ETV6: variants seen among roughly 807,000 people sequenced by gnomAD.
ETV6 encodes ETS variant transcription factor 6, also known as transcription factor ETV6.
Under a neutral mutation model 51.1 loss-of-function variants are expected in ETV6, and 16 were observed. That is an observed-to-expected ratio of 0.31 (90% CI 0.21 to 0.48). The LOEUF (loss-of-function observed/expected upper bound fraction) is 0.48, where lower values mean the gene tolerates loss of function less well. ETV6 is among the 20% of genes least tolerant of loss of function. The pLI is 0.99. For synonymous variants in ETV6, 240 were observed against 224.1 expected (o/e 1.07, Z -0.64); for missense variants, 458 against 594.8 (o/e 0.77, Z 2.39).
At chr12:11,673,267 G>C (rs1353866064) in intron 1 of ETV6, among the ~76,000 whole-genome samples, 2 of 152,186 alleles carry the variant, frequency 1.3e-5, no homozygotes, top group African/African-American at 4.8e-5. Context: ...GGCGGGGCAG[G>C]ATGTGAGATG....
chr12:11,879,119 G>A (rs373728872), intron 5 of ETV6, among the ~76,000 whole-genome samples: 12 of 151,940 alleles, frequency 7.9e-5, no homozygotes, highest in Non-Finnish European at 1.2e-4. Flanking sequence ...GCTACTTTGC[G>A]TGTTTTGTTG....
intron 1 of ETV6, among the ~76,000 whole-genome samples, chr12:11,676,584 T>C (rs78997811): frequency 0.04 from 6,076 of 152,280 alleles, 135 homozygotes; most frequent in Admixed American, 0.061. Context: ...TCCCAGCTGA[T>C]GGCTCTTTCC....
chr12:11,650,186 C>T (rs2120581955), intron 1 of ETV6, 26 bp downstream of exon 1: 4 of 1,607,600 alleles, frequency 2.5e-6, no homozygotes, highest in East Asian at 2.2e-5. Context: ...CCTCCTTCTA[C>T]GTGGTGGAAA....
chr12:11,698,252 T>C (rs888711421), intron 1 of ETV6, among the ~76,000 whole-genome samples: 1 of 152,226 alleles, frequency 6.6e-6, no homozygotes, highest in East Asian at 1.9e-4. Context: ...TCCTAACATC[T>C]GCATTAGTAT....
At chr12:11,824,420 G>A (rs1456156820) in intron 2 of ETV6, among the ~76,000 whole-genome samples, 1 of 152,226 alleles carries the variant, frequency 6.6e-6, no homozygotes, top group East Asian at 1.9e-4. Flanking sequence ...CCACTAACCA[G>A]CCACGCTGAT....
At chr12:11,791,338 A>ATCCCC (rs1945586276) in intron 2 of ETV6, among the ~76,000 whole-genome samples, 1 of 152,208 alleles carries the variant, frequency 6.6e-6, no homozygotes, top group Admixed American at 6.5e-5. Flanking sequence ...AGCTAAAATT[A>ATCCCC]ACTTCCTCCT....
Position 11,736,994 on chromosome 12 carries a change from G to A in ETV6, c.34-15456G>A, listed in dbSNP as rs534606517. ...TGAACAAGGCAGACAAGGTCCCTGTGCCTGCAGAGTTTTGATGATAACCTT... is the reference window on the plus strand; with the variant it reads ...TGAACAAGGCAGACAAGGTCCCTGTACCTGCAGAGTTTTGATGATAACCTT... On this transcript the variant is annotated intron_variant, in intron 1 of 7. Coordinates refer to ENST00000396373, the MANE Select transcript of ETV6 (RefSeq NM_001987.5). 2.6e-5 allele frequency among the ~76,000 whole-genome samples: 4 copies of A among 152,318 alleles called. No individual in the cohort carries two copies. The East Asian group carries it at 7.7e-4, about 29-fold the overall frequency.
In ETV6 at chr12:11,839,298, C is replaced by T. The variant is rs772696896; in HGVS notation, c.322C>T (p.His108Tyr). 1.9e-6 allele frequency: 3 copies of T among 1,613,324 alleles called. No individual in the cohort carries two copies. The change falls in exon 3 of 8, where the codon CAT becomes TAT. Residue 108 changes from histidine to tyrosine, a missense_variant. His to Tyr is a moderately conservative substitution (Grantham distance 83). Around this residue, in one of 4 missense-constraint regions of ETV6, gnomAD observed 293 missense variants for 315.7 expected, o/e 0.93. Transcript: ENST00000396373. ...AGAGGACTTTCGCTATCGATCTCCT[C>T]ATTCAGGTGAGAGTCTGGACTCTTG... is the stretch of plus-strand genomic sequence containing the variant. ...TKEDFRYRSP[H>Y]SGDVLYELLQ...
At chr12:11,766,116 G>A (rs894850178) in intron 2 of ETV6, among the ~76,000 whole-genome samples, 1 of 152,172 alleles carries the variant, frequency 6.6e-6, no homozygotes, top group Non-Finnish European at 1.5e-5. Context: ...CCACTTGCTG[G>A]GTGAAAGCTG....
At chr12:11,724,222 AC>A (rs1401130432) in intron 1 of ETV6, among the ~76,000 whole-genome samples, 1 of 152,182 alleles carries the variant, frequency 6.6e-6, no homozygotes, top group Non-Finnish European at 1.5e-5. Context: ...GATAGGGGCT[AC>A]TTTTGCACCA....
rs182520559 is a variant in ETV6 at position 11,791,110 on chromosome 12, A to G, written c.163+38531A>G. ...TCTGCCATGTGAATTTGGTTATATCACATCTTTCCTTACTATGAGTTTAGA... is the reference window on the plus strand; with the variant it reads ...TCTGCCATGTGAATTTGGTTATATCGCATCTTTCCTTACTATGAGTTTAGA... On this transcript the variant is annotated intron_variant, in intron 2 of 7. Transcript: ENST00000396373. Among the ~76,000 whole-genome samples, 153 of 152,224 alleles carry G rather than the reference A, an allele frequency of 1.0e-3. 1 individual carries two copies. The highest frequency in any genetic ancestry group is 3.4e-3 in the African/African-American group (142 of 41,514).
chr12:11,765,340 C>T (rs1196576714), intron 2 of ETV6, among the ~76,000 whole-genome samples: 2 of 152,126 alleles, frequency 1.3e-5, no homozygotes, highest in East Asian at 1.9e-4. Context: ...AATCCAGGGC[C>T]GTCTTAGATC....
At chr12:11,733,407 CAAAAAAAAAAAAA>C (rs11394100) in intron 1 of ETV6, among the ~76,000 whole-genome samples, 1 of 101,070 alleles carries the variant, frequency 9.9e-6, no homozygotes. Flanking sequence ...GACTCCATCT[CAAAAAAAAAAAAA>C]AAAAAAAAAA....
chr12:11,818,026 G>A (rs1402403614), intron 2 of ETV6, among the ~76,000 whole-genome samples: 1 of 152,210 alleles, frequency 6.6e-6, no homozygotes, highest in Non-Finnish European at 1.5e-5. Flanking sequence ...AAGCAAGTGT[G>A]TGAGCAAAGG....
At chr12:11,661,937 G>C (rs1465288827) in intron 1 of ETV6, among the ~76,000 whole-genome samples, 5 of 152,184 alleles carry the variant, frequency 3.3e-5, no homozygotes, top group African/African-American at 1.2e-4. Flanking sequence ...GAATGTTGGC[G>C]AGCACAGCAA....
chr12:11,885,137 T>C (rs532338975), intron 6 of ETV6, among the ~76,000 whole-genome samples: 2 of 152,248 alleles, frequency 1.3e-5, no homozygotes, highest in Admixed American at 6.5e-5. Context: ...TAAGGAAGAC[T>C]GCTCAAGTGC....
At chr12:11,727,650 G>A (rs1305807137) in intron 1 of ETV6, among the ~76,000 whole-genome samples, 1 of 150,602 alleles carries the variant, frequency 6.6e-6, no homozygotes, top group African/African-American at 2.4e-5. Flanking sequence ...TGACGTACAT[G>A]GTCATGAAAA....
chr12:11,705,591 A>G (rs1383612473), intron 1 of ETV6, among the ~76,000 whole-genome samples: 1 of 152,262 alleles, frequency 6.6e-6, no homozygotes, highest in Non-Finnish European at 1.5e-5. Context: ...ACTTAAGGAT[A>G]TAATATCCCA....
In ETV6 at chr12:11,703,329, A is replaced by G. The variant is rs570421742; in HGVS notation, c.34-49121A>G. On this transcript the variant is annotated intron_variant, in intron 1 of 7. Coordinates refer to ENST00000396373, the MANE Select transcript of ETV6 (RefSeq NM_001987.5). ...TAGTCAGTCCTTATTTTTTCGTTTT[A>G]GTCACTCCTTTACAACAATGTGTAT... is the stretch of plus-strand genomic sequence containing the variant. Among the ~76,000 whole-genome samples the G allele has an allele frequency of 2.0e-5, 3 of 152,210 alleles. No individual in the cohort carries two copies. In the South Asian group the frequency reaches 6.2e-4, roughly 32 times the overall value.
Sources: allele counts gnomAD v4.1 joint callset (sites outside exome capture counted in the v4.1 genomes callset), GRCh38; gene constraint gnomAD v4.1.1; regional missense constraint gnomAD v4.1.1; transcripts MANE v1.5; gene names NCBI Gene and HGNC (gene_info 2026-07-23, HGNC 2026-07-21).